KCNIP4: variants seen among roughly 807,000 people sequenced by gnomAD.
KCNIP4 encodes potassium voltage-gated channel interacting protein 4, also known as Kv channel-interacting protein 4.
KCNIP4 carries 12 observed loss-of-function variants against 34.0 expected under a neutral mutation model. The ratio of observed to expected loss-of-function variants is 0.35; its 90% confidence interval spans 0.23 to 0.57. The LOEUF (loss-of-function observed/expected upper bound fraction) is 0.57. KCNIP4 is among the 20% of genes least tolerant of loss of function. The pLI is 0.83. For missense variants in KCNIP4, 238 were observed against 311.7 expected (o/e 0.76, Z 1.78); for synonymous variants, 124 against 102.2 (o/e 1.21, Z -1.29).
intron 1 of KCNIP4, among the ~76,000 whole-genome samples, chr4:21,496,339 C>G (rs16871214): frequency 0.038 from 5,759 of 152,204 alleles, 326 homozygotes; most frequent in African/African-American, 0.12. Context: ...ACTGAATCAA[C>G]AGCTTCCTGT....
At chr4:21,339,051 C>T (rs1053749440) in intron 1 of KCNIP4, among the ~76,000 whole-genome samples, 1 of 152,136 alleles carries the variant, frequency 6.6e-6, no homozygotes, top group African/African-American at 2.4e-5. Flanking sequence ...GCTACCATAG[C>T]AGGAAGTAAG....
intron 8 of KCNIP4, chr4:20,731,422 C>T: frequency 3.0e-6 from 3 of 985,354 alleles, no homozygotes; most frequent in Non-Finnish European, 3.6e-6. Context: ...TCAAATAATT[C>T]TAAGTAAGCT....
chr4:21,798,572 AAGAAAGAAAGAAAG>A (rs1242415038), intron 1 of KCNIP4, among the ~76,000 whole-genome samples: 1 of 116,984 alleles, frequency 8.5e-6, no homozygotes, highest in African/African-American at 2.7e-5. Context: ...AAAAGAAAGA[AAGAAAGAAAGAAAG>A]AGAAAAAATG....
At chr4:20,978,564 G>C (rs1400133062) in intron 1 of KCNIP4, among the ~76,000 whole-genome samples, 1 of 152,136 alleles carries the variant, frequency 6.6e-6, no homozygotes, top group African/African-American at 2.4e-5. Flanking sequence ...TGTACATGGT[G>C]TTACCTCACC....
At chr4:21,041,271 T>C (rs6855710) in intron 1 of KCNIP4, among the ~76,000 whole-genome samples, 41,574 of 149,772 alleles carry the variant, frequency 0.28, 6,063 homozygotes, top group African/African-American at 0.37. Context: ...CACACGCACA[T>C]GAAAATAGTT....
intron 1 of KCNIP4, among the ~76,000 whole-genome samples, chr4:21,887,700 C>G (rs2109395806): frequency 6.6e-6 from 1 of 152,114 alleles, no homozygotes; most frequent in Non-Finnish European, 1.5e-5. Context: ...GATGATTCAG[C>G]CTTCTGAATG....
chr4:21,585,403 T>C (rs1741537224), intron 1 of KCNIP4, among the ~76,000 whole-genome samples: 1 of 152,108 alleles, frequency 6.6e-6, no homozygotes, highest in Non-Finnish European at 1.5e-5. Flanking sequence ...AATCAAATTT[T>C]TGCTGCAAAG....
chr4:21,913,749 A>G (rs889803365), intron 1 of KCNIP4, among the ~76,000 whole-genome samples: 1 of 152,154 alleles, frequency 6.6e-6, no homozygotes, highest in East Asian at 1.9e-4. Flanking sequence ...AGGACTATTG[A>G]AAAAAATATG....
intron 1 of KCNIP4, among the ~76,000 whole-genome samples, chr4:21,615,848 C>T (rs1744557427): frequency 6.6e-6 from 1 of 152,174 alleles, no homozygotes; most frequent in Admixed American, 6.5e-5. Flanking sequence ...TTCTATAATG[C>T]AACCATTCTG....
chr4:21,197,036 G>C (rs564128875), intron 1 of KCNIP4, among the ~76,000 whole-genome samples: 3 of 152,034 alleles, frequency 2.0e-5, no homozygotes, highest in African/African-American at 7.2e-5. Flanking sequence ...AAACAATATA[G>C]CTTTTTGTGC....
At chr4:21,573,328 G>T (rs1024471817) in intron 1 of KCNIP4, among the ~76,000 whole-genome samples, 1 of 152,074 alleles carries the variant, frequency 6.6e-6, no homozygotes, top group Non-Finnish European at 1.5e-5. Context: ...GGGAAACTGA[G>T]TTTCTCTTTT....
At chr4:20,993,171 A>G (rs1224289682) in intron 1 of KCNIP4, among the ~76,000 whole-genome samples, 2 of 152,136 alleles carry the variant, frequency 1.3e-5, no homozygotes, top group Non-Finnish European at 1.5e-5. Flanking sequence ...GGAGCCAGAC[A>G]TGTAGCCTGG....
At chr4:21,936,613 G>A (rs537656186) in intron 1 of KCNIP4, among the ~76,000 whole-genome samples, 1 of 152,024 alleles carries the variant, frequency 6.6e-6, no homozygotes, top group Non-Finnish European at 1.5e-5. Flanking sequence ...GGGCAAGAAT[G>A]GTCCAGGCAC....
chr4:20,732,346 T>G (rs1268101884), intron 7 of KCNIP4, among the ~76,000 whole-genome samples: 1 of 152,166 alleles, frequency 6.6e-6, no homozygotes, highest in Non-Finnish European at 1.5e-5. Context: ...CTTGCGCAAT[T>G]TGCTGAAACT....
At chr4:21,267,845 A>C (rs1036861956) in intron 1 of KCNIP4, among the ~76,000 whole-genome samples, 1 of 149,804 alleles carries the variant, frequency 6.7e-6, no homozygotes, top group Non-Finnish European at 1.5e-5. Flanking sequence ...CTTTGGTATC[A>C]AGATGATGCT....
At chr4:21,066,646 A>G (rs914899440) in intron 1 of KCNIP4, among the ~76,000 whole-genome samples, 1 of 152,154 alleles carries the variant, frequency 6.6e-6, no homozygotes, top group African/African-American at 2.4e-5. Flanking sequence ...GTCACAGTAA[A>G]AAGTAACATG....
rs1282390609 is a variant in KCNIP4, at chr4:21,456,711, T to G, written c.61+491860A>C. On this transcript the variant is annotated intron_variant, in intron 1 of 8. Transcript: ENST00000382152. ...TGGGGTCAGCTAGCCTGATCCAGCC[T>G]TTACAGCTCCATGTAGATTTGCTCT... Among the ~76,000 whole-genome samples the G allele has an allele frequency of 2.0e-5, 3 of 151,386 alleles. 1 individual carries two copies. Among genetic ancestry groups the G allele is most frequent in the African/African-American group, 7.4e-5 (3 of 40,780 alleles).
rs550986849 is a variant in KCNIP4, at chr4:21,591,000, C to CCTTGG, written c.61+357570_61+357571insCCAAG. 1.7e-3 allele frequency among the ~76,000 whole-genome samples: 260 copies of CCTTGG among 151,964 alleles called. 10 individuals carry two copies. The South Asian group carries it at 0.048, about 28-fold the overall frequency. ...GGGTAAAACACACAAGAACACTATA[C>CCTTGG]CTTGTCAAGAGGAGGAGACTAATTC... On this transcript the variant is annotated intron_variant, in intron 1 of 8. Transcript: ENST00000382152.
chr4:21,569,914 G>GT (rs991714756), intron 1 of KCNIP4, among the ~76,000 whole-genome samples: 1 of 152,016 alleles, frequency 6.6e-6, no homozygotes, highest in African/African-American at 2.4e-5. Flanking sequence ...GGGCCTGGCT[G>GT]TTTTTTTACA....
Sources: gnomAD v4.1 joint callset for allele counts (sites outside exome capture counted in the v4.1 genomes callset) on GRCh38, gnomAD v4.1.1 for gene constraint, MANE v1.5 for transcripts, NCBI Gene and HGNC (gene_info 2026-07-23, HGNC 2026-07-21) for gene names.